Variants in UPK2 observed in about 807,000 individuals in gnomAD.
UPK2 encodes uroplakin 2.
UPK2 carries 19 observed loss-of-function variants against 14.8 expected under a neutral mutation model. That is an observed-to-expected ratio of 1.29 (90% CI 0.90 to 1.89). The LOEUF (loss-of-function observed/expected upper bound fraction) is 1.89. Among genes scored for constraint, UPK2 ranks in the 40% most tolerant of loss-of-function variants. The probability of loss-of-function intolerance (pLI) is 0.00; values close to 1 mark genes in which losing one functional copy is unlikely to be tolerated. For synonymous variants in UPK2, 102 were observed against 101.6 expected, an observed-to-expected ratio of 1.00 and a Z score of -0.02; for missense variants, 232 against 236.0, an observed-to-expected ratio of 0.98 and a Z score of 0.11.
chr11:118,957,486 G>C, intron 3 of UPK2, 112 bp from the exon 4 acceptor site: 1 of 1,543,050 alleles, frequency 6.5e-7, no homozygotes, highest in Non-Finnish European at 8.9e-7. Flanking sequence ...TCTTGGAGGA[G>C]TGCACATAGG....
chr11:118,958,384 T>A lies in UPK2; in HGVS notation c.*151T>A. The A allele has an allele frequency of 1.2e-6, 1 of 834,158 alleles. No individual in the cohort carries two copies. The highest frequency in any genetic ancestry group is 1.8e-6 in the Non-Finnish European group (1 of 554,924). 51.7% of individuals were successfully genotyped at this position (834,158 alleles called of 1,614,324 possible). ...CTCTCCCCTAGAGCCCTCTCCTCCC[T>A]CTGTCCCTCTCCTTGCCCCCAGTGC... On this transcript the variant is annotated 3_prime_UTR_variant, in exon 5 of 5. Transcript: ENST00000264031. This position sits in a 1 kb window ranked among gnomAD's most constrained non-coding sequence, Gnocchi z 4.6.
chr11:118,956,520 G>A lies in UPK2; in HGVS notation c.76+94G>A. 2 of 1,143,578 alleles carry A rather than the reference G, an allele frequency of 1.7e-6. No individual in the cohort carries two copies. The highest frequency in any genetic ancestry group is 1.3e-5 in the South Asian group (1 of 75,828). The allele number at this position is 1,143,578 out of a possible 1,614,324, so 70.8% of individuals were successfully genotyped here. ...GGGCTCTCAAAGAGAGGTCTGGACAGTTGGGAGTCAGGGCTGGTGATGGCA... is the reference window on the plus strand; with the variant it reads ...GGGCTCTCAAAGAGAGGTCTGGACAATTGGGAGTCAGGGCTGGTGATGGCA... On this transcript the variant is annotated intron_variant, in intron 1 of 4. Transcript: ENST00000264031. The surrounding 1 kb of genome is among the most constrained non-coding windows in gnomAD (Gnocchi z 4.1).
rs777995329 is a variant in UPK2 at position 118,957,027 on chromosome 11, C to A, written c.208+13C>A. 1 of 1,613,836 alleles carries A rather than the reference C, an allele frequency of 6.2e-7. No individual in the cohort carries two copies. The highest frequency in any genetic ancestry group is 8.5e-7 in the Non-Finnish European group (1 of 1,179,942). The stretch of plus-strand genomic sequence containing the variant: ...AATGACAGCAAAGGTCTGCTACCTT[C>A]TCCCAAGGCATCCCTCTAGTCCCCA... On this transcript the variant is annotated intron_variant, in intron 2 of 4. Transcript: ENST00000264031.
In UPK2 at chr11:118,958,110, A is replaced by G. The variant is rs112132636; in HGVS notation, c.432A>G (p.Glu144=). The G allele has an allele frequency of 6.2e-7, 1 of 1,612,776 alleles. No individual in the cohort carries two copies. Among genetic ancestry groups the G allele is most frequent in the South Asian group, 1.1e-5 (1 of 91,046 alleles). The change falls in exon 5 of 5, where the codon GAA becomes GAG. Residue 144 remains glutamate, a synonymous_variant. Coordinates refer to ENST00000264031, the MANE Select transcript of UPK2 (RefSeq NM_006760.4). The surrounding 1 kb of genome is among the most constrained non-coding windows in gnomAD (Gnocchi z 4.6). The part of the protein sequence containing the change: ...PMSTLPRRNM[E]SIGLGMARTG... ...CTCTTTTGACAGGAAGGAACATGGA[A>G]TCCATTGGGCTGGGTATGGCCCGCA...
chr11:118,956,511 G>C lies in UPK2; in HGVS notation c.76+85G>C. On this transcript the variant is annotated intron_variant, in intron 1 of 4. Coordinates refer to ENST00000264031, the MANE Select transcript of UPK2 (RefSeq NM_006760.4). The surrounding 1 kb of genome is among the most constrained non-coding windows in gnomAD (Gnocchi z 4.1). ...TACCTTCCAGGGCTCTCAAAGAGAG[G>C]TCTGGACAGTTGGGAGTCAGGGCTG... 3 of 1,229,870 alleles carry C rather than the reference G, an allele frequency of 2.4e-6. No homozygotes were observed. The highest frequency in any genetic ancestry group is 3.5e-6 in the Non-Finnish European group (3 of 865,652). 76.2% of individuals were successfully genotyped at this position (1,229,870 alleles called of 1,614,324 possible). A position where few individuals can be genotyped will look rare whatever the true frequency, so the allele number is the denominator to read the frequency against.
chr11:118,957,581 C>G lies in UPK2; in HGVS notation c.348-17C>G. ...ATACTCACTGAGGGTTCTCTACTCT[C>G]TCCCAAACCACAAAAGCATTTCCTA... On this transcript the variant is annotated splice_polypyrimidine_tract_variant and intron_variant, in intron 3 of 4. Transcript: ENST00000264031. 6.2e-7 allele frequency: 1 copy of G among 1,614,094 alleles called. No homozygotes were observed. Among genetic ancestry groups the G allele is most frequent in the Non-Finnish European group, 8.5e-7 (1 of 1,179,952 alleles).
rs1447267918 is a variant in UPK2 at position 118,956,403 on chromosome 11, C to T, written c.53C>T (p.Ala18Val). The change falls in exon 1 of 5, where the codon GCT (alanine) becomes GTT (valine). Residue 18 changes from alanine to valine, a missense_variant. Ala to Val is a moderately conservative substitution (Grantham distance 64). Transcript: ENST00000264031. This position sits in a 1 kb window ranked among gnomAD's most constrained non-coding sequence, Gnocchi z 4.1. ...TTGCCCTTGATCCTGATTCTGCTGG[C>T]TCTGCTGTCCCCAGGGGCTGCAGGT... ...RTLPLILILL[A>V]LLSPGAADFN... The T allele has an allele frequency of 1.2e-6, 2 of 1,610,174 alleles. No homozygotes were observed. Among genetic ancestry groups the T allele is most frequent in the South Asian group, 1.1e-5 (1 of 91,088 alleles).
chr11:118,957,423 G>C (rs1281437336), intron 3 of UPK2, 77 bp downstream of exon 3: 1 of 1,586,614 alleles, frequency 6.3e-7, no homozygotes, highest in Admixed American at 1.8e-5. Context: ...GGGGAGATCT[G>C]GTGGGCATGA....
At position 118,957,315 on chromosome 11, in the gene UPK2, G is replaced by C; in HGVS notation, c.316G>C (p.Val106Leu). 2 of 1,614,130 alleles carry C rather than the reference G, an allele frequency of 1.2e-6. No individual in the cohort carries two copies. Among genetic ancestry groups the C allele is most frequent in the Non-Finnish European group, 1.7e-6 (2 of 1,180,020 alleles). Residue 106 changes from valine to leucine, a missense_variant, in exon 3 of 5, where the codon GTG becomes CTG. By Grantham distance (32) the Val-to-Leu change is conservative (BLOSUM62 1). Coordinates refer to ENST00000264031, the MANE Select transcript of UPK2 (RefSeq NM_006760.4). ...AGTCACTCGGCTCAGTGCATACCAG[G>C]TGACAAACCTCGTGCCAGGAACCAA... ...FTVTRLSAYQ[V>L]TNLVPGTKFY...
chr11:118,956,508 G>T lies in UPK2; in HGVS notation c.76+82G>T, dbSNP rs1392697757. The stretch of plus-strand genomic sequence containing the variant: ...CTGTACCTTCCAGGGCTCTCAAAGA[G>T]AGGTCTGGACAGTTGGGAGTCAGGG... On this transcript the variant is annotated intron_variant, in intron 1 of 4. Coordinates refer to ENST00000264031, the MANE Select transcript of UPK2 (RefSeq NM_006760.4). The surrounding 1 kb of genome is among the most constrained non-coding windows in gnomAD (Gnocchi z 4.1). 3.9e-6 allele frequency: 5 copies of T among 1,284,882 alleles called. No homozygotes were observed. In the African/African-American group the frequency reaches 7.3e-5, roughly 19 times the overall value. 79.6% of individuals were successfully genotyped at this position (1,284,882 alleles called of 1,614,324 possible). A position where few individuals can be genotyped will look rare whatever the true frequency, so the allele number is the denominator to read the frequency against.
Position 118,958,232 on chromosome 11 carries a change from AAGG to A in UPK2, c.*3_*5del, listed in dbSNP as rs764366239. 6.2e-7 allele frequency: 1 copy of A among 1,611,794 alleles called. No homozygotes were observed. The highest frequency in any genetic ancestry group is 1.3e-5 in the African/African-American group (1 of 74,764). On this transcript the variant is annotated stop_retained_variant and 3_prime_UTR_variant, in exon 5 of 5. Transcript: ENST00000264031. The surrounding 1 kb of genome is among the most constrained non-coding windows in gnomAD (Gnocchi z 4.6). ...GCCCTGGCACTGGGCTCCCGCAAGT[AAGG>A]AGGTCTGCCCGGAGCAGCAGCTTCT...
chr11:118,956,977 T>A lies in UPK2; in HGVS notation c.171T>A (p.Asn57Lys). The stretch of plus-strand genomic sequence containing the variant: ...CCCCCTGTCACCTCACAGGAGGCAA[T>A]GCCACACTGATGGTCCGGAGAGCCA... ...ALPPCHLTGG[N>K]ATLMVRRAND... Residue 57 changes from asparagine to lysine, a missense_variant, in exon 2 of 5, where the codon AAT becomes AAA. Physicochemically the swap from Asn to Lys is moderately conservative, Grantham distance 94. Transcript: ENST00000264031. The surrounding 1 kb of genome is among the most constrained non-coding windows in gnomAD (Gnocchi z 4.1). 1 of 1,614,096 alleles carries A rather than the reference T, an allele frequency of 6.2e-7. No homozygotes were observed. Among genetic ancestry groups the A allele is most frequent in the Non-Finnish European group, 8.5e-7 (1 of 1,180,004 alleles).
rs1329339002 is a variant in UPK2, at chr11:118,956,411, T to A, written c.61T>A (p.Ser21Thr). The A allele has an allele frequency of 5.0e-6, 8 of 1,609,108 alleles. No individual in the cohort carries two copies. The highest frequency in any genetic ancestry group is 6.8e-6 in the Non-Finnish European group (8 of 1,179,740). Residue 21 changes from serine (S) to threonine (T), a missense_variant, in exon 1 of 5, where the codon TCC becomes ACC. Physicochemically the swap from Ser to Thr is moderately conservative, Grantham distance 58. Transcript: ENST00000264031. The surrounding 1 kb of genome is among the most constrained non-coding windows in gnomAD (Gnocchi z 4.1). ...GATCCTGATTCTGCTGGCTCTGCTG[T>A]CCCCAGGGGCTGCAGGTCTCTTCCA... The part of the protein sequence containing the change: ...PLILILLALL[S>T]PGAADFNISS...
chr11:118,957,754 G>T (rs1413988503), intron 4 of UPK2, 86 bp downstream of exon 4: 67 of 1,540,990 alleles, frequency 4.3e-5, no homozygotes, highest in Non-Finnish European at 8.9e-6. Flanking sequence ...AGTCTGGGTT[G>T]CCTGTGCCTC....
At chr11:118,957,816 G>A (rs969139883) in intron 4 of UPK2, 148 bp downstream of exon 4, 19 of 958,564 alleles carry the variant, frequency 2.0e-5, no homozygotes, top group Middle Eastern at 6.2e-4. Context: ...CGGAACCTTC[G>A]GCATGGCTAC....
rs759300876 is a variant in UPK2, at chr11:118,956,384, T to C, written c.34T>C (p.Leu12=). Residue 12 remains leucine, a synonymous_variant, in exon 1 of 5, where the codon TTG becomes CTG. Coordinates refer to ENST00000264031, the MANE Select transcript of UPK2 (RefSeq NM_006760.4). The surrounding 1 kb of genome is among the most constrained non-coding windows in gnomAD (Gnocchi z 4.1). ...CCTGCTGCCCATCCGGACCTTGCCC[T>C]TGATCCTGATTCTGCTGGCTCTGCT... The part of the protein sequence containing the change: ...APLLPIRTLP[L]ILILLALLSP... The C allele has an allele frequency of 1.9e-6, 3 of 1,611,244 alleles. No individual in the cohort carries two copies. Among genetic ancestry groups the C allele is most frequent in the Non-Finnish European group, 2.5e-6 (3 of 1,179,986 alleles).
At chr11:118,957,118 C>T (rs1338236390) in intron 2 of UPK2, 90 bp from the exon 3 acceptor site, 1 of 1,607,234 alleles carries the variant, frequency 6.2e-7, no homozygotes, top group African/African-American at 1.3e-5. Context: ...CCACCCGTCT[C>T]CTGGGGTACC....
In UPK2 at chr11:118,956,901, T is replaced by G. The variant is rs758830313; in HGVS notation, c.95T>G (p.Leu32Arg). The G allele has an allele frequency of 3.6e-5, 58 of 1,613,924 alleles. No homozygotes were observed. The highest frequency in any genetic ancestry group is 3.3e-5 in the Admixed American group (2 of 59,984). Residue 32 changes from leucine to arginine, a missense_variant, in exon 2 of 5, where the codon CTC (leucine) becomes CGC (arginine). Physicochemically the swap from Leu to Arg is moderately radical, Grantham distance 102. Coordinates refer to ENST00000264031, the MANE Select transcript of UPK2 (RefSeq NM_006760.4). This position sits in a 1 kb window ranked among gnomAD's most constrained non-coding sequence, Gnocchi z 4.1. ...PGAADFNISS[L>R]SGLLSPALTE... ...CCATCAGACTTCAACATCTCAAGCC[T>G]CTCTGGTCTGCTGTCCCCGGCGCTA...
At chr11:118,957,853 G>C (rs1319578534) in intron 4 of UPK2, among the ~76,000 whole-genome samples, 185 bp downstream of exon 4, 1 of 152,218 alleles carries the variant, frequency 6.6e-6, no homozygotes, top group Non-Finnish European at 1.5e-5. Flanking sequence ...GGTTCCTCGT[G>C]GGCAGGGACT....
Sources: allele counts gnomAD v4.1 joint callset (sites outside exome capture counted in the v4.1 genomes callset), GRCh38; gene constraint gnomAD v4.1.1; non-coding constraint Gnocchi (gnomAD v3.1); transcripts MANE v1.5; gene names NCBI Gene and HGNC (gene_info 2026-07-23, HGNC 2026-07-21).